The following FOCAD variants were observed in gnomAD, a reference collection of about 807,000 sequenced individuals.
The protein encoded by FOCAD is focadhesin.
FOCAD carries 198 observed loss-of-function variants against 225.6 expected under a neutral mutation model. The ratio of observed to expected loss-of-function variants is 0.88; its 90% CI spans 0.78 to 0.99. FOCAD has a LOEUF of 0.99. FOCAD is among the 50% of genes least tolerant of loss of function. The pLI is 0.00. For synonymous variants in FOCAD, 897 were observed against 755.0 expected (o/e 1.19, Z -3.08); for missense variants, 2,713 against 2,123.6 (o/e 1.28, Z -5.46).
intron 15 of FOCAD, among the ~76,000 whole-genome samples, chr9:20,832,118 A>C (rs951012264): frequency 1.3e-5 from 2 of 152,048 alleles, no homozygotes; most frequent in Admixed American, 6.6e-5. Context: ...TTTTTTGGCT[A>C]TAATGAATAA....
At chr9:20,906,128 G>T (rs1416422540) in intron 21 of FOCAD, among the ~76,000 whole-genome samples, 1 of 151,778 alleles carries the variant, frequency 6.6e-6, no homozygotes, top group East Asian at 1.9e-4. Context: ...TATATAGTAG[G>T]CCCTCACTAA....
intron 18 of FOCAD, among the ~76,000 whole-genome samples, chr9:20,870,759 G>A (rs1829692203): frequency 6.6e-6 from 1 of 152,154 alleles, no homozygotes; most frequent in Non-Finnish European, 1.5e-5. Flanking sequence ...CACACTTAAG[G>A]TATGTTAGGC....
chr9:20,825,032 G>A (rs1484346006), intron 15 of FOCAD, among the ~76,000 whole-genome samples: 1 of 151,658 alleles, frequency 6.6e-6, no homozygotes, highest in Non-Finnish European at 1.5e-5. Context: ...TTTTTTTAAT[G>A]TTTGGTAATG....
chr9:20,728,431 C>T (rs1368805734), intron 4 of FOCAD, among the ~76,000 whole-genome samples: 1 of 152,162 alleles, frequency 6.6e-6, no homozygotes, highest in Non-Finnish European at 1.5e-5. Flanking sequence ...TGTATTTTGT[C>T]TGTAGCCTGT....
intron 8 of FOCAD, among the ~76,000 whole-genome samples, chr9:20,773,829 A>G (rs1405262937): frequency 1.3e-5 from 2 of 151,646 alleles, no homozygotes; most frequent in African/African-American, 2.4e-5. Context: ...AGAGTTTCCT[A>G]TCTTCTGGAT....
chr9:20,936,490 C>G (rs1345986828), intron 28 of FOCAD, among the ~76,000 whole-genome samples: 3 of 152,138 alleles, frequency 2.0e-5, no homozygotes, highest in Non-Finnish European at 4.4e-5. Context: ...GTGCCACTCA[C>G]CTGGTTTCTC....
chr9:20,795,258 T>C (rs938561615), intron 11 of FOCAD, among the ~76,000 whole-genome samples: 1 of 152,100 alleles, frequency 6.6e-6, no homozygotes, highest in African/African-American at 2.4e-5. Context: ...CCAAATAATA[T>C]AACAAAAGGA....
At chr9:20,939,753 T>G (rs1424548864) in intron 28 of FOCAD, among the ~76,000 whole-genome samples, 2 of 151,660 alleles carry the variant, frequency 1.3e-5, no homozygotes, top group Non-Finnish European at 2.9e-5. Flanking sequence ...TTTTTTTTCT[T>G]TCTTTTTTTT....
chr9:20,853,030 A>G (rs944540298), intron 15 of FOCAD, among the ~76,000 whole-genome samples: 1 of 151,724 alleles, frequency 6.6e-6, no homozygotes, highest in Non-Finnish European at 1.5e-5. Flanking sequence ...GGAATAAAGC[A>G]CTAATCATTT....
At chr9:20,805,628 C>A (rs983800159) in intron 11 of FOCAD, among the ~76,000 whole-genome samples, 1 of 151,852 alleles carries the variant, frequency 6.6e-6, no homozygotes, top group African/African-American at 2.4e-5. Flanking sequence ...TTTTATTGCC[C>A]AAAAGATATG....
At chr9:20,754,874 A>T (rs1039057721) in intron 5 of FOCAD, among the ~76,000 whole-genome samples, 2 of 152,222 alleles carry the variant, frequency 1.3e-5, no homozygotes, top group Admixed American at 6.5e-5. Context: ...AATGAAGTTT[A>T]TTGAATTAAA....
chr9:20,874,605 A>G, intron 18 of FOCAD, 76 bp from the exon 19 acceptor site: 1 of 1,506,912 alleles, frequency 6.6e-7, no homozygotes, highest in Non-Finnish European at 9.0e-7. Context: ...ATCTTGTCAC[A>G]AAAAAGGATA....
At position 20,692,426 on chromosome 9, in the gene FOCAD, G is replaced by A. The variant is rs112923405; in HGVS notation, c.-33+8133G>A. On this transcript the variant is annotated intron_variant, in intron 1 of 43. Transcript: ENST00000338382. The stretch of plus-strand genomic sequence containing the variant: ...TGCTATCACCCTAGTCTAAGCCCCC[G>A]TTGTTTATGTCCGGATCTTGCAGTA... Among the ~76,000 whole-genome samples the A allele has an allele frequency of 3.1e-3, 474 of 152,178 alleles. 2 individuals are homozygous for A. The highest frequency in any genetic ancestry group is 4.2e-3 in the Non-Finnish European group (289 of 68,008).
intron 4 of FOCAD, among the ~76,000 whole-genome samples, chr9:20,730,904 A>G (rs1399541756): frequency 1.3e-5 from 2 of 152,094 alleles, no homozygotes; most frequent in Non-Finnish European, 2.9e-5. Flanking sequence ...GATTAAGATA[A>G]GTTAAATGAA....
chr9:20,703,188 G>C (rs1824106868), intron 1 of FOCAD, among the ~76,000 whole-genome samples: 1 of 151,910 alleles, frequency 6.6e-6, no homozygotes, highest in Non-Finnish European at 1.5e-5. Flanking sequence ...CTATGGGGGT[G>C]GTGGGGGGAT....
intron 11 of FOCAD, among the ~76,000 whole-genome samples, chr9:20,798,285 C>G (rs1821365955): frequency 6.6e-6 from 1 of 152,144 alleles, no homozygotes; most frequent in Non-Finnish European, 1.5e-5. Context: ...GGATGTTCAT[C>G]AGGGATATTG....
Position 20,720,512 on chromosome 9 carries a change from C to T in FOCAD, c.265C>T (p.Leu89Phe). 2 of 1,613,980 alleles carry T rather than the reference C, an allele frequency of 1.2e-6. No individual in the cohort carries two copies. Among genetic ancestry groups the T allele is most frequent in the Non-Finnish European group, 1.7e-6 (2 of 1,179,938 alleles). The change falls in exon 4 of 44, where the codon CTC (leucine) becomes TTC (phenylalanine). Residue 89 changes from leucine (L) to phenylalanine (F), a missense_variant. Physicochemically the swap from Leu to Phe is conservative, Grantham distance 22. Transcript: ENST00000338382. ...GTTCAGCTATGTTCTCAATGGGATACTCAACTTGATTCCATCAACCAGGTA... is the reference window on the plus strand; with the variant it reads ...GTTCAGCTATGTTCTCAATGGGATATTCAACTTGATTCCATCAACCAGGTA... ...AEFSYVLNGI[L>F]NLIPSTRNTH...
intron 33 of FOCAD, 129 bp downstream of exon 33, chr9:20,949,804 A>G (rs1312937611): frequency 9.2e-6 from 7 of 762,890 alleles, no homozygotes; most frequent in Non-Finnish European, 1.3e-5. Context: ...GCTGAGTTCA[A>G]GAGGCATTTG....
chr9:20,931,820 C>T (rs923937095), intron 27 of FOCAD, among the ~76,000 whole-genome samples: 6 of 151,116 alleles, frequency 4.0e-5, no homozygotes, highest in Non-Finnish European at 8.8e-5. Flanking sequence ...ATTGCTTGAG[C>T]CCAGGAGGCT....
Sources: gnomAD v4.1 joint callset for allele counts (sites outside exome capture counted in the v4.1 genomes callset) on GRCh38, gnomAD v4.1.1 for gene constraint, MANE v1.5 for transcripts, NCBI Gene and HGNC (gene_info 2026-07-23, HGNC 2026-07-21) for gene names.